CEP83: variants seen among roughly 807,000 people sequenced by gnomAD.
The protein encoded by CEP83 is centrosomal protein 83, also known as centrosomal protein of 83 kDa.
Under a neutral mutation model 101.9 loss-of-function variants are expected in CEP83, and 70 were observed. The observed-to-expected ratio is 0.69, with a 90% confidence interval of 0.57 to 0.84. The LOEUF is 0.84. Ranked by LOEUF, CEP83 falls within the 40% of genes least tolerant of loss-of-function variation. The pLI is 0.00. For synonymous variants in CEP83, 264 were observed against 267.9 expected, an observed-to-expected ratio of 0.99 and a Z score of 0.14; for missense variants, 715 against 787.2, an observed-to-expected ratio of 0.91 and a Z score of 1.10.
chr12:94,418,482 C>G (rs532475338), intron 2 of CEP83, among the ~76,000 whole-genome samples: 1 of 152,120 alleles, frequency 6.6e-6, no homozygotes, highest in Non-Finnish European at 1.5e-5. Context: ...AGAAATTACT[C>G]GGCTGAACAA....
At chr12:94,424,089 T>C in intron 2 of CEP83, 3 of 1,609,632 alleles carry the variant, frequency 1.9e-6, no homozygotes, top group Non-Finnish European at 2.6e-6. Flanking sequence ...GATGTCTGAG[T>C]CACTCTCTGA....
chr12:94,421,430 C>T (rs2064737212), intron 2 of CEP83, among the ~76,000 whole-genome samples: 1 of 152,106 alleles, frequency 6.6e-6, no homozygotes, highest in Non-Finnish European at 1.5e-5. Flanking sequence ...AGCATCATGT[C>T]AAGGACTGTA....
rs377463434 is a variant in CEP83 at position 94,320,687 on chromosome 12, G to C, written c.1708-7670C>G. 5.3e-4 allele frequency among the ~76,000 whole-genome samples: 81 copies of C among 152,308 alleles called. No individual in the cohort carries two copies. The South Asian group carries it at 0.016, about 31-fold the overall frequency. On this transcript the variant is annotated intron_variant, in intron 14 of 16. Transcript: ENST00000397809. ...TTGGCTGGATATGAAATTCTTGGTT[G>C]AAGATTTTTTTAAGAATGTTGACTA...
chr12:94,355,715 A>T (rs1048238962), intron 11 of CEP83, among the ~76,000 whole-genome samples: 1 of 152,206 alleles, frequency 6.6e-6, no homozygotes, highest in Non-Finnish European at 1.5e-5. Context: ...GGTTTACAGG[A>T]ACGAGGGCAA....
chr12:94,444,032 C>T (rs1406109925), intron 1 of CEP83, among the ~76,000 whole-genome samples: 1 of 152,124 alleles, frequency 6.6e-6, no homozygotes, highest in Non-Finnish European at 1.5e-5. Context: ...TTCAGAGAAA[C>T]CTTGGGGAAG....
At chr12:94,398,894 C>A (rs1005921800) in intron 6 of CEP83, among the ~76,000 whole-genome samples, 1 of 152,108 alleles carries the variant, frequency 6.6e-6, no homozygotes, top group Non-Finnish European at 1.5e-5. Context: ...CTGAAATACA[C>A]CCTGGTCTCC....
intron 1 of CEP83, among the ~76,000 whole-genome samples, chr12:94,450,247 C>T (rs976219886): frequency 6.6e-6 from 1 of 152,008 alleles, no homozygotes; most frequent in African/African-American, 2.4e-5. Context: ...AAACAATATG[C>T]AAAAATTGGT....
Position 94,400,682 on chromosome 12 carries a change from T to C in CEP83, c.549+168A>G, listed in dbSNP as rs539049068. On this transcript the variant is annotated intron_variant, in intron 6 of 16. Coordinates refer to ENST00000397809, the MANE Select transcript of CEP83 (RefSeq NM_016122.3). ...AAGATCTACACCCAAAACAGAACTT[T>C]CACAAAAAAACTGTTGATACGAAGC... 2.0e-5 allele frequency among the ~76,000 whole-genome samples: 3 copies of C among 150,706 alleles called. No individual in the cohort carries two copies. The South Asian group carries it at 6.6e-4, about 33-fold the overall frequency.
At chr12:94,441,857 G>A (rs2066424295) in intron 1 of CEP83, among the ~76,000 whole-genome samples, 2 of 147,592 alleles carry the variant, frequency 1.4e-5, no homozygotes, top group African/African-American at 5.0e-5. Context: ...AGAGCTTGCA[G>A]TGAGCCGAGA....
chr12:94,404,816 A>G (rs1168462630), intron 4 of CEP83, among the ~76,000 whole-genome samples: 1 of 152,204 alleles, frequency 6.6e-6, no homozygotes, highest in African/African-American at 2.4e-5. Context: ...ATCATTGTCA[A>G]TAACTTATGT....
At chr12:94,446,210 A>T (rs1046926193) in intron 1 of CEP83, among the ~76,000 whole-genome samples, 1 of 152,164 alleles carries the variant, frequency 6.6e-6, no homozygotes, top group African/African-American at 2.4e-5. Context: ...TTTTTTTACT[A>T]ATCTTTCTTA....
chr12:94,327,431 G>A (rs2059018110), intron 14 of CEP83, among the ~76,000 whole-genome samples: 1 of 152,050 alleles, frequency 6.6e-6, no homozygotes. Flanking sequence ...ATTCTTCAGT[G>A]ATCTGCAAAA....
chr12:94,403,398 T>G, intron 4 of CEP83, 136 bp from the exon 5 acceptor site: 2 of 513,894 alleles, frequency 3.9e-6, no homozygotes, highest in Non-Finnish European at 6.8e-6. Flanking sequence ...CAGTGATCAC[T>G]ATACAAATAG....
In CEP83 at chr12:94,375,969, GCT is replaced by G. The variant is rs2061513048; in HGVS notation, c.848_849del (p.Glu283AlafsTer6). On this transcript the variant is annotated frameshift_variant, in exon 8 of 17. Coordinates refer to ENST00000397809, the MANE Select transcript of CEP83 (RefSeq NM_016122.3). LOFTEE classifies it high-confidence loss of function. ...ANLRAERLEK[E>X]LQSSSEQNTF... is the part of the protein sequence containing the mutation. ...GTATTTTGTTCACTGCTTGATTGTAGCTCTTTTTCCAAACGTTCTGCCCGTAA... is the reference window on the plus strand; with the variant it reads ...GTATTTTGTTCACTGCTTGATTGTAGCTTTTTCCAAACGTTCTGCCCGTAA... The G allele has an allele frequency of 6.4e-7, 1 of 1,568,882 alleles. No homozygotes were observed. The highest frequency in any genetic ancestry group is 1.4e-5 in the African/African-American group (1 of 73,650).
chr12:94,361,229 G>A (rs1409719124), intron 11 of CEP83: 1 of 152,202 alleles, frequency 6.6e-6, no homozygotes, highest in African/African-American at 2.4e-5. Flanking sequence ...AGTTGGGCAT[G>A]GTGGCACGTG....
intron 11 of CEP83, among the ~76,000 whole-genome samples, chr12:94,347,292 G>T (rs1311241738): frequency 6.6e-6 from 1 of 151,884 alleles, no homozygotes; most frequent in East Asian, 1.9e-4. Context: ...TAGCTTATAA[G>T]CACACAAAAA....
intron 11 of CEP83, 84 bp from the exon 12 acceptor site, chr12:94,335,748 T>C (rs2059420684): frequency 2.3e-6 from 2 of 872,494 alleles, no homozygotes; most frequent in African/African-American, 1.8e-5. Context: ...TTTTATTGAA[T>C]GCCTGTTTGA....
intron 12 of CEP83, 118 bp downstream of exon 12, chr12:94,335,471 T>A: frequency 1.5e-6 from 1 of 656,398 alleles, no homozygotes; most frequent in East Asian, 2.8e-5. Flanking sequence ...CAACAATATG[T>A]TACCAATTGT....
intron 14 of CEP83, among the ~76,000 whole-genome samples, chr12:94,318,290 A>G (rs75524371): frequency 0.026 from 3,943 of 152,276 alleles, 190 homozygotes; most frequent in African/African-American, 0.091. Flanking sequence ...TAAAGTTATC[A>G]GCTGAAGGAG....
Sources: gnomAD v4.1 joint callset for allele counts (sites outside exome capture counted in the v4.1 genomes callset) on GRCh38, gnomAD v4.1.1 for gene constraint, MANE v1.5 for transcripts, NCBI Gene and HGNC (gene_info 2026-07-23, HGNC 2026-07-21) for gene names.